The following FCRL1 variants were observed in gnomAD, a reference collection of about 807,000 sequenced individuals.
FCRL1 encodes Fc receptor-like protein 1.
Under a neutral mutation model 49.2 loss-of-function variants are expected in FCRL1, and 34 were observed. The ratio of observed to expected loss-of-function variants is 0.69; its 90% CI spans 0.53 to 0.92. FCRL1 has a LOEUF of 0.92. Among genes scored for constraint, FCRL1 ranks in the 40% least tolerant of loss-of-function variants. The pLI, the probability that FCRL1 is intolerant of heterozygous loss-of-function variation, is 0.00. For missense variants in FCRL1, 524 were observed against 524.1 expected (o/e 1.00, Z 0.00); for synonymous variants, 218 against 201.6 (o/e 1.08, Z -0.69).
intron 2 of FCRL1, 113 bp from the exon 3 acceptor site, chr1:157,804,224 A>C: frequency 7.5e-7 from 1 of 1,326,674 alleles, no homozygotes; most frequent in Non-Finnish European, 1.0e-6. Flanking sequence ...AGTTGGACAC[A>C]CAGGCCACCC....
chr1:157,812,618 G>A (rs528672890), intron 1 of FCRL1, among the ~76,000 whole-genome samples: 3 of 152,264 alleles, frequency 2.0e-5, no homozygotes, highest in East Asian at 3.9e-4. Flanking sequence ...TGTTGGGCCT[G>A]AGATACTGGG....
Position 157,820,101 on chromosome 1 carries a change from T to C in FCRL1, c.-64A>G, listed in dbSNP as rs1655595028. The C allele has an allele frequency of 8.9e-6, 14 of 1,580,536 alleles. No homozygotes were observed. Among genetic ancestry groups the C allele is most frequent in the Non-Finnish European group, 1.2e-5 (14 of 1,150,188 alleles). On this transcript the variant is annotated 5_prime_UTR_variant, in exon 1 of 11. Coordinates refer to ENST00000368176, the MANE Select transcript of FCRL1 (RefSeq NM_052938.5). ...ATCAAAAAAAGAATGCACCTCAGAGTCGAGCAGCAGCAGCTCATCAGAGGT... is the reference window on the plus strand; with the variant it reads ...ATCAAAAAAAGAATGCACCTCAGAGCCGAGCAGCAGCAGCTCATCAGAGGT...
chr1:157,814,369 G>T (rs1654748543), intron 1 of FCRL1, among the ~76,000 whole-genome samples: 1 of 151,986 alleles, frequency 6.6e-6, no homozygotes, highest in African/African-American at 2.4e-5. Flanking sequence ...CTAGACCAAA[G>T]TTAAGCTGTT....
chr1:157,818,072 A>T (rs547955522), intron 1 of FCRL1, among the ~76,000 whole-genome samples: 1 of 152,190 alleles, frequency 6.6e-6, no homozygotes, highest in Non-Finnish European at 1.5e-5. Context: ...GTAAATTAGA[A>T]CAGCCATTAT....
chr1:157,799,957 AT>A, intron 7 of FCRL1, 100 bp downstream of exon 7: 1 of 1,055,096 alleles, frequency 9.5e-7, no homozygotes, highest in Non-Finnish European at 1.3e-6. Flanking sequence ...TCTGGGTATA[AT>A]AAAGCCGGAA....
At chr1:157,803,818 T>C in intron 3 of FCRL1, 27 bp downstream of exon 3, 1 of 1,607,478 alleles carries the variant, frequency 6.2e-7, no homozygotes, top group South Asian at 1.1e-5. Context: ...CAGCCTATCC[T>C]GGCAGACTGA....
At chr1:157,797,446 G>A (rs1321648910) in intron 9 of FCRL1, among the ~76,000 whole-genome samples, 4 of 152,064 alleles carry the variant, frequency 2.6e-5, no homozygotes, top group African/African-American at 9.7e-5. Flanking sequence ...GGGGTTATGA[G>A]GAGTATGTCA....
Position 157,796,181 on chromosome 1 carries a change from AG to A in FCRL1, c.1219-12del. The A allele has an allele frequency of 6.2e-7, 1 of 1,612,370 alleles. No individual in the cohort carries two copies. ...GATGTCTAAGGAAACCTGGAAGCAA[AG>A]ATTAGGACTAGAGCAGGGAAGACAA... is the stretch of plus-strand genomic sequence containing the variant. On this transcript the variant is annotated splice_polypyrimidine_tract_variant and intron_variant, in intron 10 of 10. Coordinates refer to ENST00000368176, the MANE Select transcript of FCRL1 (RefSeq NM_052938.5).
chr1:157,802,265 G>T, intron 4 of FCRL1, 72 bp from the exon 5 acceptor site: 1 of 1,575,562 alleles, frequency 6.3e-7, no homozygotes, highest in Non-Finnish European at 8.6e-7. Flanking sequence ...GCCCACCGAT[G>T]CTCAGCCCCA....
At chr1:157,818,366 C>T (rs763438368) in intron 1 of FCRL1, among the ~76,000 whole-genome samples, 1 of 151,104 alleles carries the variant, frequency 6.6e-6, no homozygotes, top group Non-Finnish European at 1.5e-5. Flanking sequence ...CATGGGTGAG[C>T]CTGAAGGATA....
Position 157,795,915 on chromosome 1 carries a change from T to TC in FCRL1, c.*183dup. ...CTGTCACTCCTGTGTCTATTAGTTC[T>TC]CCTAGGTAGTTTCTTCAGGGCTGCG... On this transcript the variant is annotated 3_prime_UTR_variant, in exon 11 of 11. Coordinates refer to ENST00000368176, the MANE Select transcript of FCRL1 (RefSeq NM_052938.5). The TC allele has an allele frequency of 1.8e-6, 1 of 564,096 alleles. No individual in the cohort carries two copies. Among genetic ancestry groups the TC allele is most frequent in the Non-Finnish European group, 3.2e-6 (1 of 315,152 alleles). The allele number at this position is 564,096 out of a possible 1,614,324, so 34.9% of individuals were successfully genotyped here.
chr1:157,802,600 G>T lies in FCRL1; in HGVS notation c.384C>A (p.Asp128Glu). 1 of 1,614,196 alleles carries T rather than the reference G, an allele frequency of 6.2e-7. No homozygotes were observed. The highest frequency in any genetic ancestry group is 8.5e-7 in the Non-Finnish European group (1 of 1,180,036). The change falls in exon 4 of 11, where the codon GAC becomes GAA. Residue 128 changes from aspartate to glutamate, a missense_variant. Asp to Glu is a conservative substitution (Grantham distance 45). Transcript: ENST00000368176. ...QPPGGQVMEG[D>E]RLVLICSVAM... The stretch of plus-strand genomic sequence containing the variant: ...CAACTGAGCAGATGAGGACCAGCCT[G>T]TCTCCCTCCATCACCTGTCCTCCTG...
intron 10 of FCRL1, 62 bp downstream of exon 10, chr1:157,797,039 T>C: frequency 1.3e-6 from 2 of 1,555,890 alleles, no homozygotes; most frequent in East Asian, 2.2e-5. Context: ...ATTTAAGAAG[T>C]TTGAGAACCA....
chr1:157,795,392 C>T lies in FCRL1; in HGVS notation c.*707G>A, dbSNP rs989394799. The T allele has an allele frequency of 3.3e-5, 5 of 152,022 alleles. No individual in the cohort carries two copies. The highest frequency in any genetic ancestry group is 1.3e-4 in the Admixed American group (2 of 15,272). The allele number at this position is 152,022 out of a possible 1,614,324, so 9.4% of individuals were successfully genotyped here. A position where few individuals can be genotyped will look rare whatever the true frequency, so the allele number is the denominator to read the frequency against. On this transcript the variant is annotated 3_prime_UTR_variant, in exon 11 of 11. Transcript: ENST00000368176. ...AAATAATTAAGATACAGGTTTCAAA[C>T]CATATTACCACGATTTCAAAAATTT...
chr1:157,811,621 C>G (rs1654330155), intron 1 of FCRL1, among the ~76,000 whole-genome samples: 1 of 152,156 alleles, frequency 6.6e-6, no homozygotes, highest in South Asian at 2.1e-4. Flanking sequence ...CATACTGTGG[C>G]TCCTCCCATC....
In FCRL1 at chr1:157,807,208, A is replaced by C. The variant is rs1037005666; in HGVS notation, c.32-86T>G. Reference sequence around the variant, plus strand: ...TAAATCCTTTGAGAGCTTCCCCAACACCACACCCTCCATCCCCTGGACCCT... The same window carrying C: ...TAAATCCTTTGAGAGCTTCCCCAACCCCACACCCTCCATCCCCTGGACCCT... On this transcript the variant is annotated intron_variant, in intron 1 of 10. Coordinates refer to ENST00000368176, the MANE Select transcript of FCRL1 (RefSeq NM_052938.5). The C allele has an allele frequency of 2.1e-5, 29 of 1,408,466 alleles. 1 individual carries two copies. In the Admixed American group the frequency reaches 2.2e-4, roughly 11 times the overall value. 87.2% of individuals were successfully genotyped at this position (1,408,466 alleles called of 1,614,324 possible).
intron 1 of FCRL1, among the ~76,000 whole-genome samples, chr1:157,817,623 T>G (rs1655220409): frequency 6.6e-6 from 1 of 152,112 alleles, no homozygotes; most frequent in Admixed American, 6.5e-5. Flanking sequence ...GGCAGTGATT[T>G]TTTTGGCTAG....
Position 157,802,208 on chromosome 1 carries a change from A to C in FCRL1, c.608-15T>G. Reference sequence around the variant, plus strand: ...AGACACCGGGACTGAGGGAGACAGTAGACTGTAAGAGACAGTCTCTGACAA... The same window carrying C: ...AGACACCGGGACTGAGGGAGACAGTCGACTGTAAGAGACAGTCTCTGACAA... On this transcript the variant is annotated splice_polypyrimidine_tract_variant and intron_variant, in intron 4 of 10. Coordinates refer to ENST00000368176, the MANE Select transcript of FCRL1 (RefSeq NM_052938.5). 1 of 1,605,344 alleles carries C rather than the reference A, an allele frequency of 6.2e-7. No homozygotes were observed. Among genetic ancestry groups the C allele is most frequent in the Non-Finnish European group, 8.5e-7 (1 of 1,175,642 alleles).
At chr1:157,798,287 C>A in intron 7 of FCRL1, 44 bp from the exon 8 acceptor site, 1 of 1,446,938 alleles carries the variant, frequency 6.9e-7, no homozygotes, top group South Asian at 1.2e-5. Context: ...AATTGCATCC[C>A]AGATCATGCA....
Sources: allele counts gnomAD v4.1 joint callset (sites outside exome capture counted in the v4.1 genomes callset), GRCh38; gene constraint gnomAD v4.1.1; transcripts MANE v1.5; gene names NCBI Gene and HGNC (gene_info 2026-07-23, HGNC 2026-07-21).